Variants in LAMA1 observed in about 807,000 individuals in gnomAD.
LAMA1 encodes the protein laminin subunit alpha 1, also known as laminin subunit alpha-1.
LAMA1 carries 219 observed loss-of-function variants against 348.7 expected under a neutral mutation model. The observed-to-expected ratio is 0.63, with a 90% CI of 0.56 to 0.70. The LOEUF (loss-of-function observed/expected upper bound fraction) is 0.70. Among genes scored for constraint, LAMA1 ranks in the 30% least tolerant of loss-of-function variants. The pLI, the probability that LAMA1 is intolerant of heterozygous loss-of-function variation, is 0.00. For missense variants in LAMA1, 3,744 were observed against 3,888.0 expected (o/e 0.96, Z 0.99); for synonymous variants, 1,487 against 1,491.0 (o/e 1.00, Z 0.06).
chr18:7,037,521 C>T, intron 12 of LAMA1, 57 bp downstream of exon 12: 1 of 1,601,622 alleles, frequency 6.2e-7, no homozygotes, highest in Non-Finnish European at 8.5e-7. Context: ...CAAGTTCTTT[C>T]TCAGTGTTCC....
At chr18:7,029,686 G>T (rs1437695851) in intron 16 of LAMA1, among the ~76,000 whole-genome samples, 2 of 151,956 alleles carry the variant, frequency 1.3e-5, no homozygotes, top group Non-Finnish European at 2.9e-5. Flanking sequence ...AACATCTTTC[G>T]ATTGAAAAAA....
chr18:7,055,048 T>C (rs986100639), intron 3 of LAMA1, among the ~76,000 whole-genome samples: 1 of 152,078 alleles, frequency 6.6e-6, no homozygotes, highest in African/African-American at 2.4e-5. Context: ...TCAAATGTTA[T>C]TCATGGATTT....
chr18:7,043,550 T>C, intron 7 of LAMA1, 145 bp from the exon 8 acceptor site: 1 of 687,380 alleles, frequency 1.5e-6, no homozygotes, highest in East Asian at 2.7e-5. Context: ...TGGGCAGTAT[T>C]ATGGAGGACA....
At chr18:7,065,336 T>C (rs1349541447) in intron 3 of LAMA1, among the ~76,000 whole-genome samples, 3 of 152,032 alleles carry the variant, frequency 2.0e-5, no homozygotes, top group Admixed American at 1.3e-4. Context: ...TCAATTTTTC[T>C]GTAAACCTAA....
chr18:7,069,599 AAG>A (rs112816269), intron 3 of LAMA1, among the ~76,000 whole-genome samples: 7,543 of 152,238 alleles, frequency 0.05, 592 homozygotes, highest in African/African-American at 0.17. Flanking sequence ...GACCAGGTCT[AAG>A]AGGGGACACA....
chr18:7,072,668 C>T (rs2058150604), intron 3 of LAMA1, among the ~76,000 whole-genome samples: 1 of 152,054 alleles, frequency 6.6e-6, no homozygotes, highest in Non-Finnish European at 1.5e-5. Flanking sequence ...TGTGGCTGAC[C>T]ACCATAATAA....
intron 3 of LAMA1, among the ~76,000 whole-genome samples, chr18:7,057,218 C>G (rs2058085351): frequency 6.6e-6 from 1 of 152,050 alleles, no homozygotes; most frequent in Admixed American, 6.6e-5. Flanking sequence ...TGTCATTTCC[C>G]CCCATTACAG....
intron 22 of LAMA1, among the ~76,000 whole-genome samples, chr18:7,014,634 T>C (rs1014294461): frequency 1.8e-4 from 27 of 150,726 alleles, no homozygotes; most frequent in African/African-American, 6.1e-4. Flanking sequence ...AGTAAGATCC[T>C]GTCTCAATTA....
Position 6,961,648 on chromosome 18 carries a change from T to C in LAMA1, c.7564A>G (p.Ile2522Val). Residue 2522 changes from isoleucine to valine, a missense_variant, in exon 53 of 63, where the codon ATC (isoleucine) becomes GTC (valine). Coordinates refer to ENST00000389658, the MANE Select transcript of LAMA1 (RefSeq NM_005559.4). ...TCCCCGCCGAGGGCAGCCAGGATGA[T>C]GCCACTGCTGTTCGTGGTGGCAAAT... ...VTFATTNSSG[I>V]ILAALGGDVE... 1 of 1,614,174 alleles carries C rather than the reference T, an allele frequency of 6.2e-7. No individual in the cohort carries two copies. The highest frequency in any genetic ancestry group is 8.5e-7 in the Non-Finnish European group (1 of 1,180,032).
At chr18:7,042,451 T>G in intron 8 of LAMA1, 1 of 546,876 alleles carries the variant, frequency 1.8e-6, no homozygotes, top group Non-Finnish European at 3.3e-6. Context: ...GTGGCAGTAG[T>G]TAGTACCCTT....
At chr18:7,027,195 A>G (rs1475009785) in intron 16 of LAMA1, among the ~76,000 whole-genome samples, 12 of 152,120 alleles carry the variant, frequency 7.9e-5, no homozygotes, top group Admixed American at 7.9e-4. Context: ...GGTAGGTTAG[A>G]AAAAGTAGAG....
At chr18:7,032,291 C>T in intron 15 of LAMA1, 115 bp from the exon 16 acceptor site, 1 of 727,148 alleles carries the variant, frequency 1.4e-6, no homozygotes, top group South Asian at 1.5e-5. Context: ...GTATCATTTA[C>T]ATGCTACACA....
Position 7,011,300 on chromosome 18 carries a change from C to T in LAMA1, c.3687G>A (p.Gln1229=), listed in dbSNP as rs749665541. 14 of 1,610,422 alleles carry T rather than the reference C, an allele frequency of 8.7e-6. No homozygotes were observed. The South Asian group carries it at 8.9e-5, about 10-fold the overall frequency. ...WRLPQQFQGD[Q]LMAYGGKLKY... ...GCTCTCGGCTGGGCGTGCACCTCAC[C>T]TGGTCTCCTTGGAACTGCTGCGGCA... The change falls in exon 25 of 63, where the codon CAG becomes CAA. Residue 1229 remains glutamine (Q), a splice_region_variant and synonymous_variant. Coordinates refer to ENST00000389658, the MANE Select transcript of LAMA1 (RefSeq NM_005559.4).
chr18:7,032,192 A>C lies in LAMA1; in HGVS notation c.2164-16T>G. On this transcript the variant is annotated splice_polypyrimidine_tract_variant and intron_variant, in intron 15 of 62. Coordinates refer to ENST00000389658, the MANE Select transcript of LAMA1 (RefSeq NM_005559.4). ...AGAGGCACGACTGCAAGAGAAGGGA[A>C]AGTCATCCTCTTTCCACTACGTTAC... The C allele has an allele frequency of 6.5e-7, 1 of 1,546,640 alleles. No homozygotes were observed. Among genetic ancestry groups the C allele is most frequent in the Non-Finnish European group, 8.9e-7 (1 of 1,118,646 alleles).
chr18:7,011,499 G>A lies in LAMA1; in HGVS notation c.3508-20C>T, dbSNP rs1182251972. ...CGTTACCTAAACCACGAAAGGAGGGGAAAGTGCACTTCAAAATGCGAACTT... is the reference window on the plus strand; with the variant it reads ...CGTTACCTAAACCACGAAAGGAGGGAAAAGTGCACTTCAAAATGCGAACTT... On this transcript the variant is annotated intron_variant, in intron 24 of 62. Transcript: ENST00000389658. The A allele has an allele frequency of 6.3e-7, 1 of 1,588,504 alleles. No homozygotes were observed. The highest frequency in any genetic ancestry group is 8.6e-7 in the Non-Finnish European group (1 of 1,167,590).
At chr18:7,024,299 C>G (rs2057932497) in intron 18 of LAMA1, 81 bp downstream of exon 18, 1 of 1,072,044 alleles carries the variant, frequency 9.3e-7, no homozygotes, top group East Asian at 2.6e-5. Flanking sequence ...CAAAACCACA[C>G]TTAACTACGC....
intron 1 of LAMA1, among the ~76,000 whole-genome samples, chr18:7,092,518 G>A (rs916987188): frequency 5.9e-5 from 9 of 151,808 alleles, no homozygotes; most frequent in East Asian, 1.9e-4. Context: ...GCCGCTACTC[G>A]GGAGGCTGAG....
At chr18:7,047,045 C>CTTTTTTTTTTTTTT (rs11312379) in intron 5 of LAMA1, among the ~76,000 whole-genome samples, 2 of 133,212 alleles carry the variant, frequency 1.5e-5, no homozygotes. Flanking sequence ...GCCTTGATTT[C>CTTTTTTTTTTTTTT]TTTTTTTTTT....
chr18:7,034,592 T>G lies in LAMA1; in HGVS notation c.1938A>C (p.Gln646His), dbSNP rs761179326. 3 of 1,614,186 alleles carry G rather than the reference T, an allele frequency of 1.9e-6. No individual in the cohort carries two copies. The South Asian group carries it at 3.3e-5, about 18-fold the overall frequency. ...CAATCTGCCTTTTGCTGTGAAAATCTTGGAAGTTTTCAGGCACAAGTCTAA... is the reference window on the plus strand; with the variant it reads ...CAATCTGCCTTTTGCTGTGAAAATCGTGGAAGTTTTCAGGCACAAGTCTAA... ...NVVRLVPENF[Q>H]DFHSKRQIDR... Residue 646 changes from glutamine to histidine, a missense_variant, in exon 14 of 63, where the codon CAA (glutamine) becomes CAC (histidine). Around this residue, in one of 3 missense-constraint regions of LAMA1, gnomAD observed 1,529 missense variants for 1,689.4 expected, o/e 0.91. Transcript: ENST00000389658.
Sources: gnomAD v4.1 joint callset for allele counts (sites outside exome capture counted in the v4.1 genomes callset) on GRCh38, gnomAD v4.1.1 for gene constraint, gnomAD v4.1.1 regional missense constraint, MANE v1.5 for transcripts, NCBI Gene and HGNC (gene_info 2026-07-23, HGNC 2026-07-21) for gene names.